NOTCH2: variants seen among roughly 807,000 people sequenced by gnomAD.
The protein encoded by NOTCH2 is notch receptor 2.
NOTCH2 carries 29 observed loss-of-function variants against 235.8 expected under a neutral mutation model. The ratio of observed to expected loss-of-function variants is 0.12; its 90% CI spans 0.09 to 0.17. NOTCH2 has a LOEUF of 0.17. Among genes scored for constraint, NOTCH2 ranks in the 10% least tolerant of loss-of-function variants. The pLI is 1.00. For synonymous variants in NOTCH2, 1,086 were observed against 1,141.5 expected, an observed-to-expected ratio of 0.95 and a Z score of 0.98; for missense variants, 2,285 against 3,150.2, an observed-to-expected ratio of 0.73 and a Z score of 6.57.
chr1:119,980,515 C>A (rs1651776363), intron 5 of NOTCH2, among the ~76,000 whole-genome samples: 1 of 152,178 alleles, frequency 6.6e-6, no homozygotes, highest in Non-Finnish European at 1.5e-5. Context: ...TTTGCCCCTT[C>A]CTTCTCCCCA....
intron 1 of NOTCH2, among the ~76,000 whole-genome samples, chr1:120,046,306 G>C (rs1446892311): frequency 4.9e-5 from 2 of 40,636 alleles, no homozygotes; most frequent in African/African-American, 1.2e-4. Context: ...ATGTCATTAG[G>C]ATAAAAGAGG....
At chr1:119,943,962 G>A (rs890279213) in intron 17 of NOTCH2, among the ~76,000 whole-genome samples, 3 of 151,830 alleles carry the variant, frequency 2.0e-5, no homozygotes, top group African/African-American at 2.4e-5. Flanking sequence ...AACAGTAAAC[G>A]AGAAACTATA....
intron 17 of NOTCH2, 62 bp downstream of exon 17, chr1:119,948,352 T>A (rs1453518531): frequency 6.2e-7 from 1 of 1,601,116 alleles, no homozygotes; most frequent in Non-Finnish European, 8.5e-7. Flanking sequence ...CACTGGGCTC[T>A]CCTCTGCTCC....
chr1:119,919,581 G>T lies in NOTCH2; in HGVS notation c.5512C>A (p.Arg1838=), dbSNP rs766543218. The T allele has an allele frequency of 1.2e-6, 2 of 1,614,110 alleles. No individual in the cohort carries two copies. Among genetic ancestry groups the T allele is most frequent in the East Asian group, 4.5e-5 (2 of 44,884 alleles). The change falls in exon 31 of 34, where the codon CGA becomes AGA. Residue 1838 remains arginine, a synonymous_variant. Transcript: ENST00000256646. The part of the protein sequence containing the change: ...GCTPLMLASL[R]GGSSDLSDED... ...TCACTCAAATCTGAGCTGCCTCCTC[G>T]GAGAGAAGCCAACATCAATGGGGTG...
chr1:119,986,719 G>C (rs1178778247), intron 5 of NOTCH2, among the ~76,000 whole-genome samples: 1 of 152,104 alleles, frequency 6.6e-6, no homozygotes, highest in Non-Finnish European at 1.5e-5. Context: ...ACAGCATCTA[G>C]CATGGTGCTG....
At chr1:119,935,186 C>T in intron 22 of NOTCH2, 4 of 1,268,740 alleles carry the variant, frequency 3.2e-6, no homozygotes, top group Non-Finnish European at 4.0e-6. Context: ...ACTGACCAGG[C>T]TAATTTTTTA....
intron 4 of NOTCH2, chr1:119,995,646 G>A (rs1222219229): frequency 6.6e-6 from 1 of 152,104 alleles, no homozygotes; most frequent in African/African-American, 2.4e-5. Context: ...CACTTATTTA[G>A]TATCTAGAAT....
At chr1:119,986,776 GT>G (rs1211755268) in intron 5 of NOTCH2, among the ~76,000 whole-genome samples, 183 bp downstream of exon 5, 2 of 152,096 alleles carry the variant, frequency 1.3e-5, no homozygotes. Flanking sequence ...ATGTCTTTGA[GT>G]GAACATAGGA....
chr1:119,977,064 T>G (rs1651611755), intron 5 of NOTCH2, among the ~76,000 whole-genome samples: 1 of 152,128 alleles, frequency 6.6e-6, no homozygotes, highest in Non-Finnish European at 1.5e-5. Flanking sequence ...CTCACTAGAC[T>G]GTCAGTGCCA....
At chr1:119,930,971 C>T (rs1295563587) in intron 22 of NOTCH2, among the ~76,000 whole-genome samples, 2 of 147,050 alleles carry the variant, frequency 1.4e-5, no homozygotes, top group Non-Finnish European at 3.0e-5. Flanking sequence ...GGCATGGTGG[C>T]GGGCGCTTGT....
At chr1:119,956,141 G>A (rs1273535596) in intron 12 of NOTCH2, among the ~76,000 whole-genome samples, 2 of 152,152 alleles carry the variant, frequency 1.3e-5, no homozygotes, top group Non-Finnish European at 2.9e-5. Context: ...TTAAAAAGAT[G>A]TCTGCTATAA....
chr1:119,941,506 C>G lies in NOTCH2; in HGVS notation c.2981+20G>C. The G allele has an allele frequency of 6.5e-7, 1 of 1,540,990 alleles. No homozygotes were observed. The highest frequency in any genetic ancestry group is 9.0e-7 in the Non-Finnish European group (1 of 1,114,034). On this transcript the variant is annotated intron_variant, in intron 18 of 33. Coordinates refer to ENST00000256646, the MANE Select transcript of NOTCH2 (RefSeq NM_024408.4). ...CCTTTCTCTCGTAAGATGCTGATGC[C>G]CGAGGGACTGGTTGCTCACCTCTCA...
intron 2 of NOTCH2, among the ~76,000 whole-genome samples, chr1:120,008,835 C>A (rs1427655888): frequency 1.3e-5 from 2 of 152,142 alleles, no homozygotes; most frequent in African/African-American, 4.8e-5. Context: ...AAAATTCTTA[C>A]ACTCTTGGAG....
At chr1:119,931,877 GA>G (rs1294234762) in intron 22 of NOTCH2, among the ~76,000 whole-genome samples, 3 of 149,908 alleles carry the variant, frequency 2.0e-5, no homozygotes, top group Non-Finnish European at 3.0e-5. Context: ...TCACTATAAA[GA>G]AAAAAGATAA....
At chr1:119,957,864 ACACACACACACACACACAC>A (rs1553198546) in intron 12 of NOTCH2, among the ~76,000 whole-genome samples, 1 of 150,606 alleles carries the variant, frequency 6.6e-6, no homozygotes, top group African/African-American at 2.4e-5. Flanking sequence ...ACACACACAC[ACACACACACACACACACAC>A]AACAGGCCCC....
intron 2 of NOTCH2, among the ~76,000 whole-genome samples, chr1:120,010,985 A>G (rs1436687873): frequency 6.6e-6 from 1 of 152,256 alleles, no homozygotes; most frequent in Non-Finnish European, 1.5e-5. Context: ...ATGAACCTTG[A>G]AAACATGCTA....
rs151333685 is a variant in NOTCH2, at chr1:119,913,523, G to A, written c.*1783C>T. 71 of 233,262 alleles carry A rather than the reference G, an allele frequency of 3.0e-4. 1 individual carries two copies. The highest frequency in any genetic ancestry group is 1.4e-3 in the African/African-American group (65 of 45,454). The allele number at this position is 233,262 out of a possible 1,614,324, so 14.4% of individuals were successfully genotyped here. A position where few individuals can be genotyped will look rare whatever the true frequency, so the allele number is the denominator to read the frequency against. On this transcript the variant is annotated 3_prime_UTR_variant, in exon 34 of 34. Transcript: ENST00000256646. Reference sequence around the variant, plus strand: ...TGTCATGGGCATCACAGCACTGGACGGAAGTTGCAGTGTAGCCATGGACCA... The same window carrying A: ...TGTCATGGGCATCACAGCACTGGACAGAAGTTGCAGTGTAGCCATGGACCA...
intron 8 of NOTCH2, among the ~76,000 whole-genome samples, chr1:119,967,165 AT>A (rs1257621563): frequency 1.3e-5 from 2 of 152,346 alleles, no homozygotes; most frequent in Non-Finnish European, 2.9e-5. Flanking sequence ...ACAGTAAATC[AT>A]TTTTGAAATT....
intron 24 of NOTCH2, 52 bp from the exon 25 acceptor site, chr1:119,925,862 A>G: frequency 6.2e-7 from 1 of 1,606,064 alleles, no homozygotes; most frequent in Non-Finnish European, 8.5e-7. Flanking sequence ...AAACAGTCAT[A>G]TTGGAAGTTT....
Sources: allele counts gnomAD v4.1 joint callset (sites outside exome capture counted in the v4.1 genomes callset), GRCh38; gene constraint gnomAD v4.1.1; transcripts MANE v1.5; gene names NCBI Gene and HGNC (gene_info 2026-07-23, HGNC 2026-07-21).